Variants in PCDH15 observed in about 807,000 individuals in gnomAD.
PCDH15 encodes protocadherin-15.
Under a neutral mutation model 178.5 loss-of-function variants are expected in PCDH15, and 129 were observed. That is an observed-to-expected ratio of 0.72 (90% CI 0.63 to 0.84). The LOEUF is 0.84. Among genes scored for constraint, PCDH15 ranks in the 40% least tolerant of loss-of-function variants. The pLI, the probability that PCDH15 is intolerant of heterozygous loss-of-function variation, is 0.00. For missense variants in PCDH15, 2,230 were observed against 2,099.9 expected (o/e 1.06, Z -1.21); for synonymous variants, 800 against 732.0 (o/e 1.09, Z -1.50).
chr10:54,986,702 G>C (rs1167835294), intron 2 of PCDH15, among the ~76,000 whole-genome samples: 1 of 152,076 alleles, frequency 6.6e-6, no homozygotes. Context: ...CTTCCGTGTT[G>C]TGTTCATAAT....
At chr10:54,783,569 G>T (rs1347741220) in intron 1 of PCDH15, among the ~76,000 whole-genome samples, 1 of 152,126 alleles carries the variant, frequency 6.6e-6, no homozygotes, top group Non-Finnish European at 1.5e-5. Flanking sequence ...TAGAAAACGT[G>T]CTTAATAAAG....
intron 2 of PCDH15, among the ~76,000 whole-genome samples, chr10:55,491,563 A>C (rs1302287790): frequency 2.0e-5 from 3 of 151,638 alleles, no homozygotes; most frequent in Non-Finnish European, 4.4e-5. Flanking sequence ...GCAATGGCAC[A>C]GGAGTTTAGA....
intron 1 of PCDH15, among the ~76,000 whole-genome samples, chr10:54,707,434 T>C (rs768466103): frequency 5.9e-5 from 9 of 152,176 alleles, no homozygotes; most frequent in African/African-American, 2.2e-4. Flanking sequence ...AACTTGAAAT[T>C]TGAAACAACT....
chr10:53,918,734 ACACACACACACAC>A lies in PCDH15; in HGVS notation c.3374-15377_3374-15365del, dbSNP rs2083746302. ...CACAAACACACACACACACACACAC[ACACACACACACAC>A]ACACACACACACACACACGGATACC... On this transcript the variant is annotated intron_variant, in intron 25 of 37. Coordinates refer to ENST00000644397, the MANE Select transcript of PCDH15 (RefSeq NM_001384140.1). Among the ~76,000 whole-genome samples the A allele has an allele frequency of 2.5e-4, 4 of 15,754 alleles. No homozygotes were observed. In the Admixed American group the frequency reaches 5.8e-3, roughly 23 times the overall value. The allele number at this position is 15,754 out of a possible 152,430, so 10.3% of individuals were successfully genotyped here.
chr10:54,662,905 T>A (rs2094512823), intron 2 of PCDH15, among the ~76,000 whole-genome samples: 1 of 151,966 alleles, frequency 6.6e-6, no homozygotes, highest in African/African-American at 2.4e-5. Flanking sequence ...AAATAGCAGT[T>A]ATTTATACAT....
chr10:54,988,127 C>CA (rs1460481506), intron 2 of PCDH15, among the ~76,000 whole-genome samples: 1 of 152,172 alleles, frequency 6.6e-6, no homozygotes. Flanking sequence ...GAAATCCTTT[C>CA]ACCATTGCTT....
intron 2 of PCDH15, among the ~76,000 whole-genome samples, chr10:55,370,817 A>C (rs909773805): frequency 2.0e-5 from 3 of 152,106 alleles, no homozygotes; most frequent in Non-Finnish European, 4.4e-5. Context: ...CATATAATCC[A>C]TCCAATTGAC....
At chr10:54,943,383 T>G (rs1231050926) in intron 2 of PCDH15, among the ~76,000 whole-genome samples, 3 of 152,004 alleles carry the variant, frequency 2.0e-5, no homozygotes, top group Non-Finnish European at 4.4e-5. Context: ...CTCACCTGAA[T>G]AATCTAAGAT....
chr10:54,228,057 A>C (rs935674051), intron 9 of PCDH15, among the ~76,000 whole-genome samples: 1 of 152,142 alleles, frequency 6.6e-6, no homozygotes, highest in African/African-American at 2.4e-5. Flanking sequence ...AAACTGTTCC[A>C]ATCTCTGCCT....
At chr10:55,307,916 T>C (rs1244715233) in intron 1 of PCDH15, among the ~76,000 whole-genome samples, 1 of 152,074 alleles carries the variant, frequency 6.6e-6, no homozygotes, top group Non-Finnish European at 1.5e-5. Flanking sequence ...TGTTTATAAT[T>C]TGCTCTTTTT....
rs754967655 is a variant in PCDH15, at chr10:54,195,678, C to T, written c.1305+5G>A. 4.4e-6 allele frequency: 7 copies of T among 1,609,076 alleles called. No individual in the cohort carries two copies. The Admixed American group carries it at 5.0e-5, about 11-fold the overall frequency. Reference sequence around the variant, plus strand: ...AAACAAGAGCAAAATATGTATTTAACTTACATCTTCTATGTCCTTGTCCAG... The same window carrying T: ...AAACAAGAGCAAAATATGTATTTAATTTACATCTTCTATGTCCTTGTCCAG... On this transcript the variant is annotated splice_donor_5th_base_variant and intron_variant, in intron 11 of 37. Coordinates refer to ENST00000644397, the MANE Select transcript of PCDH15 (RefSeq NM_001384140.1).
chr10:54,624,167 G>C (rs1346607761), intron 2 of PCDH15, among the ~76,000 whole-genome samples: 1 of 152,042 alleles, frequency 6.6e-6, no homozygotes, highest in East Asian at 1.9e-4. Flanking sequence ...TTATACACGT[G>C]TTTGGCTACT....
In PCDH15 at chr10:55,259,680, C is replaced by T. The variant is rs553736391; in HGVS notation, c.-156+59919G>A. On this transcript the variant is annotated intron_variant, in intron 1 of 5. Transcript: ENST00000458638. ...CAGCACTTTGGGAGGCTGAGGTGGG[C>T]GGATCACCTGAGGTCAGGAGTTCAA... Among the ~76,000 whole-genome samples the T allele has an allele frequency of 1.2e-4, 18 of 151,874 alleles. No homozygotes were observed. The East Asian group carries it at 2.7e-3, about 23-fold the overall frequency.
chr10:55,447,473 A>G (rs1200630423), intron 2 of PCDH15, among the ~76,000 whole-genome samples: 2 of 152,080 alleles, frequency 1.3e-5, no homozygotes, highest in Non-Finnish European at 2.9e-5. Context: ...GAAATAAAAA[A>G]GTATTGTTTA....
chr10:54,048,982 T>G (rs757693431), intron 18 of PCDH15, among the ~76,000 whole-genome samples: 7 of 152,156 alleles, frequency 4.6e-5, no homozygotes, highest in Non-Finnish European at 8.8e-5. Context: ...TTAATGATAT[T>G]AACTCTTCCA....
Position 54,697,515 on chromosome 10 carries a change from G to GTGTATATATATATATATATA in PCDH15, c.-28-33226_-28-33225insTATATATATATATATATACA, listed in dbSNP as rs1555156234. Among the ~76,000 whole-genome samples the GTGTATATATATATATATATA allele has an allele frequency of 4.5e-4, 65 of 143,108 alleles. 1 individual carries two copies. The highest frequency in any genetic ancestry group is 1.6e-3 in the African/African-American group (60 of 37,852). The allele number at this position is 143,108 out of a possible 152,430, so 93.9% of individuals were successfully genotyped here. ...TATCGCTATGCTTATTGAAATGTGT[G>GTGTATATATATATATATATA]TATATATATATATATATATACCTCT... On this transcript the variant is annotated intron_variant, in intron 1 of 37. Transcript: ENST00000644397.
chr10:54,508,193 G>A (rs1465470474), intron 3 of PCDH15, among the ~76,000 whole-genome samples: 2 of 151,978 alleles, frequency 1.3e-5, no homozygotes, highest in Non-Finnish European at 2.9e-5. Flanking sequence ...ACCAAACATT[G>A]TAAGTAATTT....
intron 8 of PCDH15, among the ~76,000 whole-genome samples, chr10:54,270,782 A>G (rs1364751951): frequency 6.6e-6 from 1 of 152,202 alleles, no homozygotes; most frequent in Admixed American, 6.6e-5. Flanking sequence ...CCTGGTGACT[A>G]CTTACTGCTA....
At chr10:54,542,957 A>C (rs928587158) in intron 2 of PCDH15, among the ~76,000 whole-genome samples, 1 of 152,174 alleles carries the variant, frequency 6.6e-6, no homozygotes, top group Non-Finnish European at 1.5e-5. Flanking sequence ...ACACATTGGC[A>C]GAAGACATAA....
Sources: gnomAD v4.1 joint callset for allele counts (sites outside exome capture counted in the v4.1 genomes callset) on GRCh38, gnomAD v4.1.1 for gene constraint, MANE v1.5 for transcripts, NCBI Gene and HGNC (gene_info 2026-07-23, HGNC 2026-07-21) for gene names.